Variants in HIPK2 observed in about 807,000 individuals in gnomAD.
HIPK2 encodes the protein homeodomain interacting protein kinase 2, also known as homeodomain-interacting protein kinase 2.
In HIPK2, 27 loss-of-function variants were observed where a neutral mutation model predicts 113.7. The ratio of observed to expected loss-of-function variants is 0.24; its 90% CI spans 0.17 to 0.33. HIPK2 has a LOEUF of 0.33. HIPK2 is among the 10% of genes least tolerant of loss of function. The pLI is 1.00. For missense variants in HIPK2, 1,257 were observed against 1,588.0 expected, an observed-to-expected ratio of 0.79 and a Z score of 3.54; for synonymous variants, 631 against 642.2, an observed-to-expected ratio of 0.98 and a Z score of 0.26.
intron 2 of HIPK2, among the ~76,000 whole-genome samples, chr7:139,686,503 T>C (rs916916244): frequency 6.6e-6 from 1 of 152,198 alleles, no homozygotes; most frequent in African/African-American, 2.4e-5. Flanking sequence ...AATTGAATCA[T>C]GGGGGCAGTT....
rs1798158596 is a variant in HIPK2, at chr7:139,568,349, C to G, written c.*4578G>C. The stretch of plus-strand genomic sequence containing the variant: ...CTCTGAATTCCACTGACCGCACGCT[C>G]CACTTCACAGTATTAACTGGCATCA... On this transcript the variant is annotated 3_prime_UTR_variant, in exon 15 of 15. Coordinates refer to ENST00000406875, the MANE Select transcript of HIPK2 (RefSeq NM_022740.5). 1 of 152,432 alleles carries G rather than the reference C, an allele frequency of 6.6e-6. No homozygotes were observed. Among genetic ancestry groups the G allele is most frequent in the Admixed American group, 6.5e-5 (1 of 15,278 alleles). 9.4% of individuals were successfully genotyped at this position (152,432 alleles called of 1,614,324 possible).
chr7:139,575,435 C>A, intron 13 of HIPK2, 147 bp from the exon 14 acceptor site: 3 of 913,104 alleles, frequency 3.3e-6, no homozygotes, highest in Non-Finnish European at 4.9e-6. Flanking sequence ...CCCCCGGACC[C>A]ACTAGGACTT....
chr7:139,716,522 G>T lies in HIPK2; in HGVS notation c.513C>A (p.Ala171=). 1 of 1,614,018 alleles carries T rather than the reference G, an allele frequency of 6.2e-7. No individual in the cohort carries two copies. Among genetic ancestry groups the T allele is most frequent in the Non-Finnish European group, 8.5e-7 (1 of 1,179,892 alleles). Residue 171 remains alanine (A), a synonymous_variant, in exon 2 of 15, where the codon GCC becomes GCA. Transcript: ENST00000406875. This position sits in a 1 kb window ranked among gnomAD's most constrained non-coding sequence, Gnocchi z 9.3. ...TGTTGGAGCCGCTGTTTTTGGAGGT[G>T]GCAGTAGACGTGGTGGCAGTGGCGA... The part of the protein sequence containing the change: ...ATVATATTST[A]TSKNSGSNSE...
chr7:139,638,814 T>C (rs370059112), intron 2 of HIPK2, among the ~76,000 whole-genome samples: 53 of 152,124 alleles, frequency 3.5e-4, no homozygotes, highest in African/African-American at 1.2e-3. Flanking sequence ...CCCACCACCA[T>C]GCCCGGCTAA....
chr7:139,754,295 A>T (rs976907031), intron 1 of HIPK2, among the ~76,000 whole-genome samples: 14 of 152,236 alleles, frequency 9.2e-5, no homozygotes, highest in South Asian at 2.1e-4. Flanking sequence ...CGCTCAATTA[A>T]TGTCATCTCA....
At chr7:139,617,046 C>T (rs973802374) in intron 7 of HIPK2, among the ~76,000 whole-genome samples, 1 of 152,122 alleles carries the variant, frequency 6.6e-6, no homozygotes, top group African/African-American at 2.4e-5. Flanking sequence ...TAAGGTTTTC[C>T]CCTAGTTTCG....
Position 139,571,370 on chromosome 7 carries a change from C to A in HIPK2, c.*1557G>T, listed in dbSNP as rs1233551916. On this transcript the variant is annotated 3_prime_UTR_variant, in exon 15 of 15. Coordinates refer to ENST00000406875, the MANE Select transcript of HIPK2 (RefSeq NM_022740.5). ...GCGGGAGACGGCTGCCTGGCGAGGC[C>A]AACAGTCCGGAAACCTCTGGCCTCA... The A allele has an allele frequency of 6.6e-6, 1 of 152,328 alleles. No individual in the cohort carries two copies. The allele number at this position is 152,328 out of a possible 1,614,324, so 9.4% of individuals were successfully genotyped here.
chr7:139,753,896 T>A (rs543585361), intron 1 of HIPK2, among the ~76,000 whole-genome samples: 3 of 152,310 alleles, frequency 2.0e-5, no homozygotes, highest in Admixed American at 2.0e-4. Flanking sequence ...GATTGCCCCA[T>A]TTAGGGAGAT....
At chr7:139,622,585 G>T (rs751601251) in intron 6 of HIPK2, among the ~76,000 whole-genome samples, 1 of 152,154 alleles carries the variant, frequency 6.6e-6, no homozygotes, top group Non-Finnish European at 1.5e-5. Context: ...TAAAAATTGT[G>T]CACTGGAATC....
At position 139,572,779 on chromosome 7, in the gene HIPK2, CCCG is replaced by C; in HGVS notation, c.*145_*147del. The C allele has an allele frequency of 6.0e-5, 7 of 115,762 alleles. No individual in the cohort carries two copies. The highest frequency in any genetic ancestry group is 2.3e-4 in the East Asian group (1 of 4,442). 7.2% of individuals were successfully genotyped at this position (115,762 alleles called of 1,614,324 possible). ...CCTGCCCTCTGCCCCCCCCCCCCCC[CCCG>C]CCCCTGCCCCGTTTGCATTGTTTGT... is the stretch of plus-strand genomic sequence containing the variant. On this transcript the variant is annotated 3_prime_UTR_variant, in exon 15 of 15. Coordinates refer to ENST00000406875, the MANE Select transcript of HIPK2 (RefSeq NM_022740.5).
At chr7:139,588,963 C>T (rs1337653658) in intron 12 of HIPK2, among the ~76,000 whole-genome samples, 1 of 152,204 alleles carries the variant, frequency 6.6e-6, no homozygotes, top group Non-Finnish European at 1.5e-5. Context: ...GGCACAGCTA[C>T]TCCTGAATGA....
intron 10 of HIPK2, among the ~76,000 whole-genome samples, chr7:139,601,191 C>T (rs887598580): frequency 1.3e-5 from 2 of 150,402 alleles, no homozygotes; most frequent in Non-Finnish European, 2.9e-5. Context: ...TTGCATGAGC[C>T]GAGATTGTGC....
chr7:139,700,684 C>G (rs1794683173), intron 2 of HIPK2, among the ~76,000 whole-genome samples: 1 of 152,170 alleles, frequency 6.6e-6, no homozygotes, highest in African/African-American at 2.4e-5. Context: ...AGCAGAATTC[C>G]CCTCTTGGTC....
Position 139,635,402 on chromosome 7 carries a change from G to A in HIPK2, c.1104-3677C>T, listed in dbSNP as rs551694118. Among the ~76,000 whole-genome samples the A allele has an allele frequency of 4.9e-4, 74 of 152,208 alleles. 1 individual carries two copies. Among genetic ancestry groups the A allele is most frequent in the African/African-American group, 1.5e-3 (61 of 41,524 alleles). On this transcript the variant is annotated intron_variant, in intron 2 of 14. Coordinates refer to ENST00000406875, the MANE Select transcript of HIPK2 (RefSeq NM_022740.5). The stretch of plus-strand genomic sequence containing the variant: ...GCCCGGAAGGCTGTTCCTAACCCAC[G>A]GAAACCTCGTTTTCCAGTTTCCATT...
intron 2 of HIPK2, among the ~76,000 whole-genome samples, chr7:139,673,897 A>AG (rs1252059654): frequency 8.3e-6 from 1 of 120,436 alleles, no homozygotes; most frequent in African/African-American, 4.5e-5. Context: ...AAAAAAAAAA[A>AG]AAAAAAAAAA....
intron 11 of HIPK2, among the ~76,000 whole-genome samples, chr7:139,597,650 C>CT (rs759058493): frequency 3.3e-5 from 5 of 152,126 alleles, no homozygotes; most frequent in Non-Finnish European, 7.3e-5. Flanking sequence ...TGGATTTTGC[C>CT]TCGTGGAGCC....
At chr7:139,592,333 C>A (rs1398173907) in intron 12 of HIPK2, among the ~76,000 whole-genome samples, 1 of 152,178 alleles carries the variant, frequency 6.6e-6, no homozygotes. Flanking sequence ...ACCCACCTAC[C>A]AGAAATATCC....
intron 2 of HIPK2, among the ~76,000 whole-genome samples, chr7:139,656,762 C>A (rs562248413): frequency 6.6e-6 from 1 of 152,132 alleles, no homozygotes; most frequent in Non-Finnish European, 1.5e-5. Context: ...TTGTGCACAC[C>A]GCAATACTCT....
In HIPK2 at chr7:139,573,414, C is replaced by T. The variant is rs1798378658; in HGVS notation, c.3127-17G>A. The stretch of plus-strand genomic sequence containing the variant: ...CTGCTGAGCCTGGGGAGGAGAGGCA[C>T]CAAGAGAGACGTCAGGGGCCGACAC... On this transcript the variant is annotated splice_polypyrimidine_tract_variant and intron_variant, in intron 14 of 14. Transcript: ENST00000406875. The T allele has an allele frequency of 1.3e-6, 2 of 1,598,742 alleles. No homozygotes were observed. Among genetic ancestry groups the T allele is most frequent in the Non-Finnish European group, 1.7e-6 (2 of 1,178,904 alleles).
Sources: allele counts gnomAD v4.1 joint callset (sites outside exome capture counted in the v4.1 genomes callset), GRCh38; gene constraint gnomAD v4.1.1; non-coding constraint Gnocchi (gnomAD v3.1); transcripts MANE v1.5; gene names NCBI Gene and HGNC (gene_info 2026-07-23, HGNC 2026-07-21).